The following SCHIP1 variants were observed in gnomAD, a reference collection of about 807,000 sequenced individuals.
SCHIP1 encodes schwannomin interacting protein 1.
In SCHIP1, 8 loss-of-function variants were observed where a neutral mutation model predicts 29.7. The observed-to-expected ratio is 0.27, with a 90% confidence interval of 0.16 to 0.49. The LOEUF is 0.49. SCHIP1 is among the 20% of genes least tolerant of loss of function. SCHIP1 has a pLI of 0.99. For synonymous variants in SCHIP1, 76 were observed against 94.9 expected (o/e 0.80, Z 1.16); for missense variants, 193 against 294.6 (o/e 0.66, Z 2.52).
the SCHIP1 span, among the ~76,000 whole-genome samples, chr3:159,752,536 G>C: frequency 2.0e-5 from 3 of 152,272 alleles, no homozygotes; most frequent in East Asian, 5.8e-4. Flanking sequence ...GACAGCATCT[G>C]CTTCTGGGGA....
the SCHIP1 span, among the ~76,000 whole-genome samples, chr3:159,732,512 C>T: frequency 1.3e-5 from 2 of 152,128 alleles, no homozygotes; most frequent in African/African-American, 2.4e-5. Flanking sequence ...ATTTCAGGGT[C>T]AGCAGAGATG....
At chr3:159,564,023 C>A in the SCHIP1 span, among the ~76,000 whole-genome samples, 4 of 152,122 alleles carry the variant, frequency 2.6e-5, no homozygotes, top group Non-Finnish European at 4.4e-5. Flanking sequence ...TTATTTTTAT[C>A]TCCTTTATGC....
the SCHIP1 span, among the ~76,000 whole-genome samples, chr3:159,331,576 A>G: frequency 6.6e-6 from 1 of 152,102 alleles, no homozygotes; most frequent in Non-Finnish European, 1.5e-5. Flanking sequence ...AGAATGCGCT[A>G]CAGTGTACTC....
chr3:159,468,381 G>A, the SCHIP1 span, among the ~76,000 whole-genome samples: 1 of 152,070 alleles, frequency 6.6e-6, no homozygotes, highest in Non-Finnish European at 1.5e-5. Context: ...TAAACAGCAG[G>A]TTTTTCTACT....
At chr3:159,372,128 C>G in the SCHIP1 span, among the ~76,000 whole-genome samples, 1 of 152,018 alleles carries the variant, frequency 6.6e-6, no homozygotes, top group African/African-American at 2.4e-5. Flanking sequence ...AATAGCATGC[C>G]TCAGCATTTT....
the SCHIP1 span, among the ~76,000 whole-genome samples, chr3:159,279,132 G>T: frequency 6.6e-6 from 1 of 152,122 alleles, no homozygotes; most frequent in East Asian, 1.9e-4. Context: ...TTGAATTGTA[G>T]CTCCCATAAT....
intron 1 of SCHIP1, among the ~76,000 whole-genome samples, chr3:159,846,979 C>T (rs1711933411): frequency 6.6e-6 from 1 of 151,852 alleles, no homozygotes; most frequent in African/African-American, 2.4e-5. Flanking sequence ...ATTAGCAGGG[C>T]TTCATTGTGG....
the SCHIP1 span, among the ~76,000 whole-genome samples, chr3:159,616,345 G>A: frequency 3.3e-4 from 50 of 152,170 alleles, no homozygotes; most frequent in Middle Eastern, 3.4e-3. Flanking sequence ...CAAGTGATCC[G>A]CCTGCCTCGG....
the SCHIP1 span, among the ~76,000 whole-genome samples, chr3:159,523,478 G>A: frequency 6.6e-6 from 1 of 152,088 alleles, no homozygotes; most frequent in Non-Finnish European, 1.5e-5. Flanking sequence ...TTCAAAGTAG[G>A]TTTTTGTCTT....
At chr3:159,707,987 T>C in the SCHIP1 span, among the ~76,000 whole-genome samples, 355 of 152,294 alleles carry the variant, frequency 2.3e-3, 1 homozygote, top group African/African-American at 7.6e-3. Flanking sequence ...CTCCCACTTC[T>C]TTCTCGCCTT....
At chr3:159,452,229 C>A in the SCHIP1 span, among the ~76,000 whole-genome samples, 1 of 151,262 alleles carries the variant, frequency 6.6e-6, no homozygotes, top group East Asian at 1.9e-4. Flanking sequence ...TTTGCTGTAC[C>A]TCTCAACCCA....
At chr3:159,546,792 G>A in the SCHIP1 span, among the ~76,000 whole-genome samples, 1 of 152,142 alleles carries the variant, frequency 6.6e-6, no homozygotes, top group Non-Finnish European at 1.5e-5. Flanking sequence ...TGGTATATAT[G>A]TGCCACATTT....
the SCHIP1 span, among the ~76,000 whole-genome samples, chr3:159,565,872 C>T: frequency 2.2e-4 from 33 of 152,206 alleles, 1 homozygote; most frequent in African/African-American, 7.7e-4. Flanking sequence ...CTTCACATGC[C>T]TCATATAATG....
the SCHIP1 span, among the ~76,000 whole-genome samples, chr3:159,550,107 A>G: frequency 6.6e-6 from 1 of 151,698 alleles, no homozygotes; most frequent in African/African-American, 2.4e-5. Flanking sequence ...ATATCTTAAG[A>G]AAATTAATTA....
chr3:159,754,607 A>T, the SCHIP1 span, among the ~76,000 whole-genome samples: 1 of 152,232 alleles, frequency 6.6e-6, no homozygotes, highest in East Asian at 1.9e-4. Flanking sequence ...GTGTTTAGTC[A>T]CTGATTCCCC....
chr3:159,732,132 C>T, the SCHIP1 span, among the ~76,000 whole-genome samples: 1 of 152,230 alleles, frequency 6.6e-6, no homozygotes, highest in South Asian at 2.1e-4. Flanking sequence ...AGGCGTGAGC[C>T]ACCACGCCTG....
chr3:159,680,951 T>C, the SCHIP1 span, among the ~76,000 whole-genome samples: 1 of 151,438 alleles, frequency 6.6e-6, no homozygotes, highest in African/African-American at 2.4e-5. Context: ...GTTATATTGC[T>C]ACATATGCTT....
At chr3:159,555,983 G>A in the SCHIP1 span, among the ~76,000 whole-genome samples, 1 of 152,212 alleles carries the variant, frequency 6.6e-6, no homozygotes, top group South Asian at 2.1e-4. Context: ...AGGTTGATGG[G>A]TGCAGCAAAC....
chr3:159,803,728 T>C, the SCHIP1 span, among the ~76,000 whole-genome samples: 4 of 152,232 alleles, frequency 2.6e-5, no homozygotes, highest in East Asian at 3.8e-4. Context: ...TATGTATACA[T>C]TGGGAATGTT....
Sources: allele counts gnomAD v4.1 joint callset (sites outside exome capture counted in the v4.1 genomes callset), GRCh38; gene constraint gnomAD v4.1.1; transcripts MANE v1.5; gene names NCBI Gene and HGNC (gene_info 2026-07-23, HGNC 2026-07-21).